The following GNAI1 variants were observed in gnomAD, a reference collection of about 807,000 sequenced individuals.
GNAI1 encodes the protein G protein subunit alpha i1, also known as guanine nucleotide-binding protein G(i) subunit alpha-1.
In GNAI1, 11 loss-of-function variants were observed where a neutral mutation model predicts 38.9. The observed-to-expected ratio is 0.28, with a 90% CI of 0.18 to 0.47. The LOEUF (loss-of-function observed/expected upper bound fraction) is 0.47, where lower values mean the gene tolerates loss of function less well. Among genes scored for constraint, GNAI1 ranks in the 20% least tolerant of loss-of-function variants. The probability of loss-of-function intolerance (pLI) is 0.99; values close to 1 mark genes in which losing one functional copy is unlikely to be tolerated. For synonymous variants in GNAI1, 166 were observed against 145.1 expected, an observed-to-expected ratio of 1.14 and a Z score of -1.04; for missense variants, 317 against 436.9, an observed-to-expected ratio of 0.73 and a Z score of 2.45.
At chr7:80,195,137 T>G (rs1340931011) in intron 3 of GNAI1, among the ~76,000 whole-genome samples, 2 of 151,916 alleles carry the variant, frequency 1.3e-5, no homozygotes, top group African/African-American at 4.8e-5. Flanking sequence ...AACACTTAAA[T>G]GTCAATATTT....
At position 80,224,712 on chromosome 7, in the gene GNAI1, C is replaced by A. The variant is rs991513026; in HGVS notation, c.*7219C>A. ...CACAAACATAGGAACTGCACAGACACAGCAGCCACTACCCAGGTGTGAATG... is the reference window on the plus strand; with the variant it reads ...CACAAACATAGGAACTGCACAGACAAAGCAGCCACTACCCAGGTGTGAATG... On this transcript the variant is annotated 3_prime_UTR_variant, in exon 8 of 8. Transcript: ENST00000649796. 9.2e-5 allele frequency among the ~76,000 whole-genome samples: 14 copies of A among 152,214 alleles called. No individual in the cohort carries two copies. In the South Asian group the frequency reaches 2.9e-3, roughly 31 times the overall value.
At chr7:80,140,227 G>A (rs1186216656) in intron 1 of GNAI1, among the ~76,000 whole-genome samples, 1 of 151,724 alleles carries the variant, frequency 6.6e-6, no homozygotes, top group Non-Finnish European at 1.5e-5. Flanking sequence ...CTCGTGATCC[G>A]CCTGCCGCGG....
At chr7:80,154,445 C>A (rs1292395339) in intron 1 of GNAI1, among the ~76,000 whole-genome samples, 1 of 152,148 alleles carries the variant, frequency 6.6e-6, no homozygotes, top group African/African-American at 2.4e-5. Flanking sequence ...CTGTAATCTT[C>A]CCCAAGTTCT....
chr7:80,164,552 C>T (rs1031844534), intron 1 of GNAI1, among the ~76,000 whole-genome samples: 7 of 151,558 alleles, frequency 4.6e-5, no homozygotes, highest in Admixed American at 3.3e-4. Flanking sequence ...TTAGCAGAGA[C>T]GGGGTTTCAC....
intron 1 of GNAI1, among the ~76,000 whole-genome samples, chr7:80,153,428 A>G (rs974950822): frequency 3.9e-5 from 6 of 152,226 alleles, no homozygotes; most frequent in African/African-American, 9.6e-5. Flanking sequence ...CAAATTGGAA[A>G]TAAAACTATT....
At chr7:80,145,413 A>T (rs1787602082) in intron 1 of GNAI1, among the ~76,000 whole-genome samples, 1 of 152,088 alleles carries the variant, frequency 6.6e-6, no homozygotes, top group Admixed American at 6.5e-5. Flanking sequence ...AGTTCCTTTT[A>T]TATGAAGGTT....
intron 1 of GNAI1, 107 bp from the exon 2 acceptor site, chr7:80,188,840 CACAG>C: frequency 8.3e-6 from 6 of 726,276 alleles, no homozygotes; most frequent in Admixed American, 2.3e-5. Flanking sequence ...GAGGTAGACA[CACAG>C]AGAGAGACTG....
At chr7:80,152,164 C>T (rs1787738822) in intron 1 of GNAI1, among the ~76,000 whole-genome samples, 1 of 152,140 alleles carries the variant, frequency 6.6e-6, no homozygotes, top group African/African-American at 2.4e-5. Flanking sequence ...AGACATACTG[C>T]TAGTACGTGG....
At chr7:80,135,773 G>T in intron 1 of GNAI1, 1 of 983,066 alleles carries the variant, frequency 1.0e-6, no homozygotes, top group Non-Finnish European at 1.2e-6. Flanking sequence ...TGCACCTTTT[G>T]TGGGGCCTCT....
At chr7:80,164,015 G>T (rs1390844337) in intron 1 of GNAI1, among the ~76,000 whole-genome samples, 1 of 144,756 alleles carries the variant, frequency 6.9e-6, no homozygotes, top group East Asian at 2.0e-4. Flanking sequence ...CTGTCACCAG[G>T]CTTCTTTGTC....
At chr7:80,176,552 CT>C (rs1386354763) in intron 1 of GNAI1, among the ~76,000 whole-genome samples, 1 of 152,178 alleles carries the variant, frequency 6.6e-6, no homozygotes, top group Non-Finnish European at 1.5e-5. Context: ...AAAGGACAGA[CT>C]TACTCTCTTG....
chr7:80,178,600 A>G (rs1354743637), intron 1 of GNAI1, among the ~76,000 whole-genome samples: 1 of 152,162 alleles, frequency 6.6e-6, no homozygotes, highest in African/African-American at 2.4e-5. Context: ...GATTGTTAAC[A>G]TTTTTTAGTA....
At chr7:80,206,865 C>A (rs1423743053) in intron 5 of GNAI1, among the ~76,000 whole-genome samples, 1 of 151,998 alleles carries the variant, frequency 6.6e-6, no homozygotes, top group Non-Finnish European at 1.5e-5. Context: ...ATAGAACAAT[C>A]ATAGCAACGT....
Position 80,152,670 on chromosome 7 carries a change from C to T in GNAI1, c.118+17392C>T, listed in dbSNP as rs558206290. ...CCAACTTCCGGGTTCATGCCATTCTCCTGCCTCAGCCTCCCGAGTAGCTGG... is the reference window on the plus strand; with the variant it reads ...CCAACTTCCGGGTTCATGCCATTCTTCTGCCTCAGCCTCCCGAGTAGCTGG... On this transcript the variant is annotated intron_variant, in intron 1 of 7. Coordinates refer to ENST00000649796, the MANE Select transcript of GNAI1 (RefSeq NM_002069.6). Among the ~76,000 whole-genome samples the T allele has an allele frequency of 4.7e-5, 7 of 150,494 alleles. No individual in the cohort carries two copies. The South Asian group carries it at 1.5e-3, about 32-fold the overall frequency.
intron 1 of GNAI1, among the ~76,000 whole-genome samples, chr7:80,150,678 T>G (rs1465307421): frequency 6.6e-6 from 1 of 152,214 alleles, no homozygotes; most frequent in Non-Finnish European, 1.5e-5. Context: ...CACAGATGTT[T>G]ATTATCTTAT....
intron 4 of GNAI1, 103 bp downstream of exon 4, chr7:80,199,485 G>C: frequency 1.2e-6 from 1 of 809,924 alleles, no homozygotes; most frequent in African/African-American, 1.7e-5. Context: ...ACACATTCTT[G>C]TACAACTTAG....
At chr7:80,168,439 G>A (rs1464301622) in intron 1 of GNAI1, among the ~76,000 whole-genome samples, 1 of 151,992 alleles carries the variant, frequency 6.6e-6, no homozygotes, top group Non-Finnish European at 1.5e-5. Flanking sequence ...CTAGGCTGGA[G>A]TGCAGTGGCA....
rs1360418786 is a variant in GNAI1, at chr7:80,217,958, C to T, written c.*465C>T. On this transcript the variant is annotated 3_prime_UTR_variant, in exon 8 of 8. Coordinates refer to ENST00000649796, the MANE Select transcript of GNAI1 (RefSeq NM_002069.6). ...TTCATGTCCTGTAAATTTTTAAGTA[C>T]AGTAATTAATATTAGGAAACATTAC... 1 of 152,442 alleles carries T rather than the reference C, an allele frequency of 6.6e-6. No homozygotes were observed. Among genetic ancestry groups the T allele is most frequent in the African/African-American group, 2.4e-5 (1 of 41,380 alleles). 9.4% of individuals were successfully genotyped at this position (152,442 alleles called of 1,614,324 possible).
intron 1 of GNAI1, among the ~76,000 whole-genome samples, chr7:80,164,367 T>C (rs1317894337): frequency 1.3e-5 from 2 of 151,198 alleles, no homozygotes; most frequent in Non-Finnish European, 2.9e-5. Flanking sequence ...GCTTTCCTTT[T>C]TTTCTTTTTT....
Sources: allele counts gnomAD v4.1 joint callset (sites outside exome capture counted in the v4.1 genomes callset), GRCh38; gene constraint gnomAD v4.1.1; transcripts MANE v1.5; gene names NCBI Gene and HGNC (gene_info 2026-07-23, HGNC 2026-07-21).